LAPTM4B: variants seen among roughly 807,000 people sequenced by gnomAD.
LAPTM4B encodes the protein lysosomal protein transmembrane 4 beta.
A neutral mutation model predicts 28.5 loss-of-function variants in LAPTM4B; 26 were observed. The observed-to-expected ratio is 0.91, with a 90% CI of 0.67 to 1.27. The LOEUF (loss-of-function observed/expected upper bound fraction) is 1.27, where lower values mean the gene tolerates loss of function less well. LAPTM4B is among the 50% of genes most tolerant of loss of function. The pLI is 0.00. For missense variants in LAPTM4B, 288 were observed against 285.8 expected (o/e 1.01, Z -0.06); for synonymous variants, 109 against 106.4 (o/e 1.02, Z -0.15).
intron 5 of LAPTM4B, among the ~76,000 whole-genome samples, chr8:97,822,225 T>TTAA (rs1045017310): frequency 7.3e-5 from 11 of 151,158 alleles, no homozygotes; most frequent in African/African-American, 2.5e-4. Flanking sequence ...ATCTCACTCA[T>TTAA]TGTAGTTCGT....
chr8:97,782,727 TC>T (rs1816341206), intron 1 of LAPTM4B, among the ~76,000 whole-genome samples: 1 of 142,616 alleles, frequency 7.0e-6, no homozygotes, highest in Non-Finnish European at 1.5e-5. Flanking sequence ...TGAGCCACCG[TC>T]CCCAGCCTTT....
intron 4 of LAPTM4B, among the ~76,000 whole-genome samples, chr8:97,816,775 AAAAC>A (rs1272969487): frequency 6.6e-6 from 1 of 152,156 alleles, no homozygotes; most frequent in Admixed American, 6.5e-5. Context: ...ACTCTGCTCA[AAAAC>A]AAACAAAATA....
intron 6 of LAPTM4B, among the ~76,000 whole-genome samples, chr8:97,840,079 G>A (rs762194018): frequency 4.3e-4 from 65 of 152,300 alleles, no homozygotes; most frequent in African/African-American, 1.3e-3. Flanking sequence ...AGTAGGTGGC[G>A]TAGCACATTC....
intron 6 of LAPTM4B, among the ~76,000 whole-genome samples, chr8:97,843,960 T>A (rs1253033153): frequency 2.0e-5 from 3 of 152,120 alleles, no homozygotes; most frequent in Non-Finnish European, 4.4e-5. Context: ...GAAACTGACA[T>A]CTCCTCTTTC....
rs927377959 is a variant in LAPTM4B, at chr8:97,818,855, C to T, written c.409-285C>T. On this transcript the variant is annotated intron_variant, in intron 4 of 6. Transcript: ENST00000521545. ...AGCTGAGCTGGGCGACAGAGAGAAACTCCATCTCAAAAAAGAAAAAAAAAA... is the reference window on the plus strand; with the variant it reads ...AGCTGAGCTGGGCGACAGAGAGAAATTCCATCTCAAAAAAGAAAAAAAAAA... Among the ~76,000 whole-genome samples, 13 of 139,850 alleles carry T rather than the reference C, an allele frequency of 9.3e-5. No individual in the cohort carries two copies. The East Asian group carries it at 2.2e-3, about 24-fold the overall frequency. The allele number at this position is 139,850 out of a possible 152,430, so 91.7% of individuals were successfully genotyped here. A position where few individuals can be genotyped will look rare whatever the true frequency, so the allele number is the denominator to read the frequency against.
intron 6 of LAPTM4B, among the ~76,000 whole-genome samples, chr8:97,840,758 G>A (rs7002961): frequency 0.16 from 24,702 of 152,028 alleles, 2,103 homozygotes; most frequent in East Asian, 0.19. Flanking sequence ...GTTGCACAGC[G>A]GCCGGGCAGA....
chr8:97,788,271 G>C, intron 1 of LAPTM4B: 1 of 368,212 alleles, frequency 2.7e-6, no homozygotes, highest in South Asian at 2.7e-5. Context: ...TTCATTACCA[G>C]TTGTTAATCT....
chr8:97,839,836 T>C (rs1381363795), intron 6 of LAPTM4B, among the ~76,000 whole-genome samples: 1 of 152,238 alleles, frequency 6.6e-6, no homozygotes, highest in Non-Finnish European at 1.5e-5. Flanking sequence ...AGGAATTTTA[T>C]ATTTTTACAT....
At chr8:97,833,191 G>A (rs1159922365) in intron 6 of LAPTM4B, among the ~76,000 whole-genome samples, 3 of 151,790 alleles carry the variant, frequency 2.0e-5, no homozygotes, top group African/African-American at 4.8e-5. Flanking sequence ...AAAGTTAGCC[G>A]GGCGTGGTGG....
At chr8:97,797,374 C>T (rs983486951) in intron 1 of LAPTM4B, among the ~76,000 whole-genome samples, 1 of 152,044 alleles carries the variant, frequency 6.6e-6, no homozygotes, top group African/African-American at 2.4e-5. Flanking sequence ...CTCAGGTGCT[C>T]CTCCTGCCTC....
At chr8:97,831,431 G>T (rs1425454165) in intron 6 of LAPTM4B, among the ~76,000 whole-genome samples, 1 of 152,176 alleles carries the variant, frequency 6.6e-6, no homozygotes, top group African/African-American at 2.4e-5. Context: ...GGCTTGGTGT[G>T]TGGGAAAGGG....
At chr8:97,801,899 T>G (rs1464604805) in intron 1 of LAPTM4B, among the ~76,000 whole-genome samples, 1 of 151,784 alleles carries the variant, frequency 6.6e-6, no homozygotes, top group Non-Finnish European at 1.5e-5. Flanking sequence ...ACTTGACAGT[T>G]TATCAAATAA....
In LAPTM4B at chr8:97,777,137, G is replaced by GTTTTTTTTTT. The variant is rs1176218610; in HGVS notation, c.99+1047_99+1056dup. 7.8e-3 allele frequency among the ~76,000 whole-genome samples: 652 copies of GTTTTTTTTTT among 83,852 alleles called. 58 individuals are homozygous for GTTTTTTTTTT. The highest frequency in any genetic ancestry group is 0.01 in the Non-Finnish European group (451 of 43,878). 55.0% of individuals were successfully genotyped at this position (83,852 alleles called of 152,430 possible). Reference sequence around the variant, plus strand: ...AGCATATATAACTTTTTTCAGTGAGGTTTTTTTTTTTTTTTTTTTTTTTTT... The same window carrying GTTTTTTTTTT: ...AGCATATATAACTTTTTTCAGTGAGGTTTTTTTTTTTTTTTTTTTTTTTTTTTTTTTTTTT... On this transcript the variant is annotated intron_variant, in intron 1 of 6. Transcript: ENST00000521545.
In LAPTM4B at chr8:97,815,360, A is replaced by T. The variant is rs747534298; in HGVS notation, c.244A>T (p.Met82Leu). The T allele has an allele frequency of 1.2e-6, 2 of 1,614,054 alleles. No homozygotes were observed. Among genetic ancestry groups the T allele is most frequent in the Non-Finnish European group, 1.7e-6 (2 of 1,179,966 alleles). ...MCIAIAISLLMILICAMATYG... is the reference protein window; with the variant it reads ...MCIAIAISLLLILICAMATYG... Reference sequence around the variant, plus strand: ...CATTGCCATTGCGATTTCTCTTCTCATGATCCTGATATGTGCTATGGCTAC... The same window carrying T: ...CATTGCCATTGCGATTTCTCTTCTCTTGATCCTGATATGTGCTATGGCTAC... Residue 82 changes from methionine to leucine, a missense_variant, in exon 3 of 7, where the codon ATG becomes TTG. Coordinates refer to ENST00000521545, the MANE Select transcript of LAPTM4B (RefSeq NM_018407.6).
At chr8:97,818,742 G>C (rs1010119059) in intron 4 of LAPTM4B, among the ~76,000 whole-genome samples, 2 of 152,094 alleles carry the variant, frequency 1.3e-5, no homozygotes, top group South Asian at 4.2e-4. Flanking sequence ...TCTGTCGCCC[G>C]GGCGGCTGGA....
intron 6 of LAPTM4B, among the ~76,000 whole-genome samples, chr8:97,832,180 A>C (rs576662878): frequency 6.6e-6 from 1 of 152,316 alleles, no homozygotes; most frequent in African/African-American, 2.4e-5. Context: ...TCCCCTTTGA[A>C]AGACACAAAG....
chr8:97,826,327 C>T (rs1332624161), intron 6 of LAPTM4B, among the ~76,000 whole-genome samples: 1 of 152,224 alleles, frequency 6.6e-6, no homozygotes, highest in Middle Eastern at 3.4e-3. Context: ...TGAGGAGGCT[C>T]GTTTTGGGAG....
chr8:97,805,206 T>G, intron 1 of LAPTM4B, 147 bp from the exon 2 acceptor site: 1 of 584,948 alleles, frequency 1.7e-6, no homozygotes, highest in Non-Finnish European at 3.0e-6. Flanking sequence ...GCTCCCTCCA[T>G]GGGTGGGGCT....
Position 97,849,865 on chromosome 8 carries a change from G to T in LAPTM4B, c.604-1532G>T, listed in dbSNP as rs980692482. Reference sequence around the variant, plus strand: ...TGTGTTTCTGCAGTGTTCAGATCTTGCTGGCAGTGCTCCCCAGGGCCCAGT... The same window carrying T: ...TGTGTTTCTGCAGTGTTCAGATCTTTCTGGCAGTGCTCCCCAGGGCCCAGT... On this transcript the variant is annotated intron_variant, in intron 6 of 6. Transcript: ENST00000521545. Among the ~76,000 whole-genome samples, 2 of 138,024 alleles carry T rather than the reference G, an allele frequency of 1.4e-5. 1 individual carries two copies. Among genetic ancestry groups the T allele is most frequent in the African/African-American group, 5.6e-5 (2 of 35,864 alleles). The allele number at this position is 138,024 out of a possible 152,430, so 90.5% of individuals were successfully genotyped here.
Sources: gnomAD v4.1 joint callset for allele counts (sites outside exome capture counted in the v4.1 genomes callset) on GRCh38, gnomAD v4.1.1 for gene constraint, MANE v1.5 for transcripts, NCBI Gene and HGNC (gene_info 2026-07-23, HGNC 2026-07-21) for gene names.